Variants in FRMPD2 observed in about 807,000 individuals in gnomAD.
FRMPD2 encodes the protein FERM and PDZ domain-containing protein 2.
In FRMPD2, 96 loss-of-function variants were observed where a neutral mutation model predicts 140.1. The observed-to-expected ratio is 0.69, with a 90% CI of 0.58 to 0.81. The LOEUF is 0.81. FRMPD2 is among the 40% of genes least tolerant of loss of function. The pLI, the probability that FRMPD2 is intolerant of heterozygous loss-of-function variation, is 0.00. For missense variants in FRMPD2, 1,240 were observed against 1,447.4 expected (o/e 0.86, Z 2.32); for synonymous variants, 449 against 547.6 (o/e 0.82, Z 2.52).
At chr10:48,258,574 A>C (rs1173966533) in intron 1 of FRMPD2, among the ~76,000 whole-genome samples, 3 of 152,234 alleles carry the variant, frequency 2.0e-5, no homozygotes, top group African/African-American at 7.2e-5. Flanking sequence ...AAGAAAGGCA[A>C]CTAGAGAACA....
chr10:48,243,121 A>C (rs1426176358), intron 4 of FRMPD2, among the ~76,000 whole-genome samples: 1 of 152,240 alleles, frequency 6.6e-6, no homozygotes, highest in Non-Finnish European at 1.5e-5. Context: ...CTGCCGTCAC[A>C]GTAAATCCAG....
intron 1 of FRMPD2, among the ~76,000 whole-genome samples, chr10:48,268,787 A>G (rs1840719345): frequency 6.6e-6 from 1 of 152,240 alleles, no homozygotes; most frequent in South Asian, 2.1e-4. Context: ...ACATAAATCT[A>G]CACAAGTATT....
Position 48,201,292 on chromosome 10 carries a change from G to C in FRMPD2, c.1890C>G (p.Leu630=). The change falls in exon 15 of 29, where the codon CTC becomes CTG. Residue 630 remains leucine (L), a synonymous_variant. Coordinates refer to ENST00000374201, the MANE Select transcript of FRMPD2 (RefSeq NM_001018071.4). ...CATTAAACCCATGCTGGGCTGAGCA[G>C]AGGTCCAGTAAGTATTTACTGGTCT... ...SAKTSKYLLD[L]CSAQHGFNAQ... 1 of 1,613,906 alleles carries C rather than the reference G, an allele frequency of 6.2e-7. No individual in the cohort carries two copies. Among genetic ancestry groups the C allele is most frequent in the Non-Finnish European group, 8.5e-7 (1 of 1,179,784 alleles).
At chr10:48,223,899 G>A (rs1167090226) in intron 10 of FRMPD2, among the ~76,000 whole-genome samples, 1 of 152,154 alleles carries the variant, frequency 6.6e-6, no homozygotes, top group African/African-American at 2.4e-5. Context: ...ACCTCTGAAA[G>A]CCAGAAAGAG....
chr10:48,252,843 CCTCT>C (rs1468398725), intron 1 of FRMPD2, among the ~76,000 whole-genome samples: 1 of 150,506 alleles, frequency 6.6e-6, no homozygotes, highest in Non-Finnish European at 1.5e-5. Flanking sequence ...AACTCCAGGC[CCTCT>C]CTCTTTTTCT....
intron 9 of FRMPD2, among the ~76,000 whole-genome samples, chr10:48,234,752 C>T (rs1839928585): frequency 6.6e-6 from 1 of 152,120 alleles, no homozygotes; most frequent in African/African-American, 2.4e-5. Flanking sequence ...GTCCAAGGTC[C>T]CCTCTGAGGA....
intron 1 of FRMPD2, among the ~76,000 whole-genome samples, chr10:48,258,177 A>G (rs1840521146): frequency 1.3e-5 from 2 of 152,250 alleles, no homozygotes; most frequent in Admixed American, 1.3e-4. Flanking sequence ...CACAGTCAGA[A>G]CCAGAGATCT....
At chr10:48,267,266 C>T (rs1055090023) in intron 1 of FRMPD2, among the ~76,000 whole-genome samples, 8 of 152,114 alleles carry the variant, frequency 5.3e-5, no homozygotes, top group East Asian at 1.9e-4. Flanking sequence ...CCAGGATTTT[C>T]GTGAGCAATG....
intron 20 of FRMPD2, among the ~76,000 whole-genome samples, 196 bp downstream of exon 20, chr10:48,184,370 T>A (rs985087183): frequency 6.6e-6 from 1 of 152,104 alleles, no homozygotes; most frequent in Non-Finnish European, 1.5e-5. Context: ...AAGACAAGCA[T>A]GGTAACGCCC....
chr10:48,199,885 T>C (rs968206185), intron 15 of FRMPD2: 1 of 152,156 alleles, frequency 6.6e-6, no homozygotes, highest in East Asian at 1.9e-4. Context: ...ATGAGTCACT[T>C]TGGGGTCTGG....
At chr10:48,216,423 G>A (rs1237066260) in intron 12 of FRMPD2, among the ~76,000 whole-genome samples, 1 of 152,068 alleles carries the variant, frequency 6.6e-6, no homozygotes, top group African/African-American at 2.4e-5. Context: ...TGGAACCCTG[G>A]GGCAAGAGAC....
intron 25 of FRMPD2, among the ~76,000 whole-genome samples, chr10:48,172,497 T>C (rs1838287893): frequency 6.6e-6 from 1 of 152,178 alleles, no homozygotes; most frequent in African/African-American, 2.4e-5. Context: ...CGATCTTTCG[T>C]TTGCCTTTTA....
chr10:48,244,908 G>T, intron 3 of FRMPD2, 59 bp from the exon 4 acceptor site: 2 of 1,288,420 alleles, frequency 1.6e-6, no homozygotes, highest in Non-Finnish European at 2.3e-6. Context: ...CCATGGCTCT[G>T]CAAGAAAAAT....
chr10:48,183,374 C>T (rs1027585407), intron 20 of FRMPD2, among the ~76,000 whole-genome samples: 6 of 152,186 alleles, frequency 3.9e-5, no homozygotes, highest in African/African-American at 1.4e-4. Flanking sequence ...CCATTACTTC[C>T]TCCAGGCTCC....
intron 1 of FRMPD2, among the ~76,000 whole-genome samples, chr10:48,270,264 C>T (rs1202250955): frequency 6.6e-6 from 1 of 152,112 alleles, no homozygotes; most frequent in Non-Finnish European, 1.5e-5. Context: ...GCGCTCAGTG[C>T]CCATGAGGTG....
intron 13 of FRMPD2, among the ~76,000 whole-genome samples, chr10:48,207,395 C>T (rs1203220116): frequency 6.6e-6 from 1 of 152,106 alleles, no homozygotes; most frequent in African/African-American, 2.4e-5. Flanking sequence ...AGAAAGTGAC[C>T]TTCCAGATCA....
chr10:48,264,736 G>A (rs1022077577), intron 1 of FRMPD2, among the ~76,000 whole-genome samples: 7 of 151,930 alleles, frequency 4.6e-5, no homozygotes, highest in African/African-American at 1.2e-4. Context: ...TTCTCAACTC[G>A]GTCTGTAGAT....
At chr10:48,200,395 A>C (rs1218132070) in intron 15 of FRMPD2, among the ~76,000 whole-genome samples, 1 of 152,200 alleles carries the variant, frequency 6.6e-6, no homozygotes, top group Non-Finnish European at 1.5e-5. Context: ...ATCTGAACTA[A>C]GCAAGTTTGA....
chr10:48,272,359 C>T (rs1242683206), intron 1 of FRMPD2, among the ~76,000 whole-genome samples: 2 of 152,102 alleles, frequency 1.3e-5, no homozygotes, highest in Admixed American at 1.3e-4. Flanking sequence ...GTAAGCTGGT[C>T]ATTAAACACA....
Sources: gnomAD v4.1 joint callset for allele counts (sites outside exome capture counted in the v4.1 genomes callset) on GRCh38, gnomAD v4.1.1 for gene constraint, MANE v1.5 for transcripts, NCBI Gene and HGNC (gene_info 2026-07-23, HGNC 2026-07-21) for gene names.